The following TNFAIP8 variants were observed in gnomAD, a reference collection of about 807,000 sequenced individuals.
The protein encoded by TNFAIP8 is TNF alpha induced protein 8, also known as tumor necrosis factor alpha-induced protein 8.
TNFAIP8 carries 7 observed loss-of-function variants against 13.3 expected under a neutral mutation model. The observed-to-expected ratio is 0.52, with a 90% CI of 0.30 to 0.99. TNFAIP8 has a LOEUF of 0.99. Ranked by LOEUF, TNFAIP8 falls within the 50% of genes least tolerant of loss-of-function variation. TNFAIP8 has a pLI of 0.07. For synonymous variants in TNFAIP8, 94 were observed against 87.6 expected, an observed-to-expected ratio of 1.07 and a Z score of -0.41; for missense variants, 258 against 236.9, an observed-to-expected ratio of 1.09 and a Z score of -0.58.
intron 1 of TNFAIP8, chr5:119,333,153 G>A (rs1162309653): frequency 3.1e-6 from 3 of 954,800 alleles, no homozygotes; most frequent in South Asian, 9.7e-5. Context: ...ATGTTGAAAC[G>A]TTAGACTTCC....
chr5:119,387,592 T>A (rs1580449961), intron 1 of TNFAIP8, among the ~76,000 whole-genome samples: 1 of 152,360 alleles, frequency 6.6e-6, no homozygotes, highest in Non-Finnish European at 1.5e-5. Context: ...TTCATAAAAC[T>A]AAGTATTAAT....
chr5:119,284,156 G>A (rs1346507697), intron 1 of TNFAIP8, among the ~76,000 whole-genome samples: 2 of 152,126 alleles, frequency 1.3e-5, no homozygotes, highest in Non-Finnish European at 2.9e-5. Context: ...CAGACTGCAA[G>A]AACTTAAGTT....
intron 1 of TNFAIP8, among the ~76,000 whole-genome samples, chr5:119,372,066 G>A (rs1752096200): frequency 6.6e-6 from 1 of 151,988 alleles, no homozygotes; most frequent in African/African-American, 2.4e-5. Flanking sequence ...GAACCCGGGA[G>A]GCGGAGCTTG....
At chr5:119,306,075 T>A (rs1749544015) in intron 1 of TNFAIP8, among the ~76,000 whole-genome samples, 1 of 152,164 alleles carries the variant, frequency 6.6e-6, no homozygotes, top group South Asian at 2.1e-4. Context: ...CACACCTCCA[T>A]CCTTCCAGAA....
At chr5:119,355,180 G>T, upstream of TNFAIP8, 1 of 654,688 alleles carries the variant, frequency 1.5e-6, no homozygotes, top group South Asian at 1.7e-5. Context: ...TATTCTATCA[G>T]CATTTCAAAT....
At chr5:119,389,816 G>A (rs1047951856) in intron 1 of TNFAIP8, among the ~76,000 whole-genome samples, 1 of 152,140 alleles carries the variant, frequency 6.6e-6, no homozygotes, top group African/African-American at 2.4e-5. Context: ...CTGGAGCGGG[G>A]TTTGAAGTTC....
At chr5:119,350,952 T>TTGTGTGTGTGTGTGTGTGTGTG (rs35633858) in intron 1 of TNFAIP8, among the ~76,000 whole-genome samples, 194 of 144,788 alleles carry the variant, frequency 1.3e-3, no homozygotes, top group Middle Eastern at 3.5e-3. Flanking sequence ...CTATGTGTAT[T>TTGTGTGTGTGTGTGTGTGTGTG]TGTGTGTGTG....
At chr5:119,325,478 C>T (rs998732463) in intron 1 of TNFAIP8, among the ~76,000 whole-genome samples, 1 of 152,198 alleles carries the variant, frequency 6.6e-6, no homozygotes, top group Non-Finnish European at 1.5e-5. Flanking sequence ...GACGGAGTCT[C>T]ACTCTGTCGC....
chr5:119,275,446 C>T (rs924978471), intron 1 of TNFAIP8, among the ~76,000 whole-genome samples: 2 of 152,098 alleles, frequency 1.3e-5, no homozygotes, highest in South Asian at 2.1e-4. Context: ...TCAACAGCGG[C>T]GCATGTTTGG....
Position 119,395,377 on chromosome 5 carries a change from C to A in TNFAIP8, c.*1996C>A, listed in dbSNP as rs1212054685. 6.6e-6 allele frequency: 1 copy of A among 152,224 alleles called. No homozygotes were observed. The highest frequency in any genetic ancestry group is 1.5e-5 in the Non-Finnish European group (1 of 68,112). 9.4% of individuals were successfully genotyped at this position (152,224 alleles called of 1,614,324 possible). On this transcript the variant is annotated 3_prime_UTR_variant, in exon 2 of 2. Coordinates refer to ENST00000504771, the MANE Select transcript of TNFAIP8 (RefSeq NM_014350.4). ...GTTCTGTTCTCCAGATCTCAAACAG[C>A]AGAGGTATGGGAAACGAAAGCCCTG...
chr5:119,351,311 G>C (rs569893131), upstream of TNFAIP8, among the ~76,000 whole-genome samples: 1 of 152,184 alleles, frequency 6.6e-6, no homozygotes, highest in South Asian at 2.1e-4. Context: ...AAATTCATGA[G>C]CCAGTGTGCC....
At chr5:119,320,945 GGT>G (rs1750035687) in intron 1 of TNFAIP8, among the ~76,000 whole-genome samples, 1 of 152,138 alleles carries the variant, frequency 6.6e-6, no homozygotes, top group Admixed American at 6.5e-5. Context: ...GGCTGGGCAC[GGT>G]GGCTCATGCC....
chr5:119,379,821 G>C (rs2112836113), intron 1 of TNFAIP8, among the ~76,000 whole-genome samples: 2 of 152,160 alleles, frequency 1.3e-5, no homozygotes, highest in South Asian at 4.2e-4. Flanking sequence ...TCAAACTCCT[G>C]ACTTCAGGTG....
chr5:119,309,443 C>T lies in TNFAIP8; in HGVS notation c.1+40536C>T, dbSNP rs138020230. ...TGATGAAAGCTTGAGGGTGGTGATG[C>T]TTGTCACAGGGGCAGCTGCCACAGG... On this transcript the variant is annotated intron_variant, in intron 1 of 1. Transcript: ENST00000274456. Among the ~76,000 whole-genome samples, 631 of 151,998 alleles carry T rather than the reference C, an allele frequency of 4.2e-3. 5 individuals carry two copies. Among genetic ancestry groups the T allele is most frequent in the Non-Finnish European group, 4.7e-3 (318 of 67,928 alleles).
At position 119,393,016 on chromosome 5, in the gene TNFAIP8, A is replaced by T; in HGVS notation, c.232A>T (p.Thr78Ser). ...AEKIIKNLIKTVIKLAILYRN... is the reference protein window; with the variant it reads ...AEKIIKNLIKSVIKLAILYRN... ...GAAGATCATCAAGAACCTCATCAAG[A>T]CAGTCATCAAGCTGGCCATTCTTTA... Residue 78 changes from threonine (T) to serine (S), a missense_variant, in exon 2 of 2, where the codon ACA (threonine) becomes TCA (serine). Coordinates refer to ENST00000504771, the MANE Select transcript of TNFAIP8 (RefSeq NM_014350.4). The T allele has an allele frequency of 6.2e-7, 1 of 1,613,444 alleles. No individual in the cohort carries two copies. The highest frequency in any genetic ancestry group is 2.2e-5 in the East Asian group (1 of 44,820).
intron 1 of TNFAIP8, among the ~76,000 whole-genome samples, chr5:119,284,298 G>C (rs6866644): frequency 0.17 from 25,960 of 151,998 alleles, 2,345 homozygotes; most frequent in African/African-American, 0.22. Flanking sequence ...AACAGAGCTG[G>C]GTTCCAGAGG....
chr5:119,333,569 C>T (rs1184296206), intron 1 of TNFAIP8: 2 of 1,535,524 alleles, frequency 1.3e-6, no homozygotes, highest in East Asian at 4.9e-5. Context: ...GTCTGTATGA[C>T]TCTACCAAGA....
intron 1 of TNFAIP8, among the ~76,000 whole-genome samples, chr5:119,371,746 C>T (rs546505633): frequency 4.6e-5 from 7 of 152,250 alleles, no homozygotes; most frequent in East Asian, 3.9e-4. Context: ...TAGAAATCAG[C>T]GAGGCGTGGT....
chr5:119,269,966 G>A (rs563667510), intron 1 of TNFAIP8, among the ~76,000 whole-genome samples: 2 of 152,260 alleles, frequency 1.3e-5, no homozygotes, highest in Non-Finnish European at 1.5e-5. Flanking sequence ...TAGTCTCTCT[G>A]AGTTCTACAT....
Sources: gnomAD v4.1 joint callset for allele counts (sites outside exome capture counted in the v4.1 genomes callset) on GRCh38, gnomAD v4.1.1 for gene constraint, MANE v1.5 for transcripts, NCBI Gene and HGNC (gene_info 2026-07-23, HGNC 2026-07-21) for gene names.